LNX1: variants seen among roughly 807,000 people sequenced by gnomAD.
LNX1 encodes the protein E3 ubiquitin-protein ligase LNX.
LNX1 carries 54 observed loss-of-function variants against 68.4 expected under a neutral mutation model. The ratio of observed to expected loss-of-function variants is 0.79; its 90% CI spans 0.63 to 0.99. The LOEUF (loss-of-function observed/expected upper bound fraction) is 0.99, where lower values mean the gene tolerates loss of function less well. LNX1 is among the 50% of genes least tolerant of loss of function. The pLI is 0.00. For synonymous variants in LNX1, 336 were observed against 350.0 expected, an observed-to-expected ratio of 0.96 and a Z score of 0.45; for missense variants, 906 against 926.4, an observed-to-expected ratio of 0.98 and a Z score of 0.29.
At chr4:53,473,009 T>G (rs1043065275) in intron 9 of LNX1, among the ~76,000 whole-genome samples, 14 of 152,206 alleles carry the variant, frequency 9.2e-5, no homozygotes, top group African/African-American at 3.4e-4. Flanking sequence ...TTTCAAATTT[T>G]TTTGTGACTC....
chr4:53,514,088 T>C (rs1488647663), intron 2 of LNX1, among the ~76,000 whole-genome samples: 4 of 152,218 alleles, frequency 2.6e-5, no homozygotes, highest in Non-Finnish European at 5.9e-5. Flanking sequence ...GGCCTCTGAT[T>C]AAAATCCCTC....
In LNX1 at chr4:53,651,334, G is replaced by T. The variant is rs368330504; in HGVS notation, c.-215+834C>A. 5.0e-4 allele frequency among the ~76,000 whole-genome samples: 76 copies of T among 152,288 alleles called. 1 individual carries two copies. The East Asian group carries it at 0.014, about 27-fold the overall frequency. On this transcript the variant is annotated intron_variant, in intron 1 of 2. Transcript: ENST00000507168. ...ACTGCGTCAGCATTCCTTGGGCACCGGACTTGCACCACGCCCTGACACATG... is the reference window on the plus strand; with the variant it reads ...ACTGCGTCAGCATTCCTTGGGCACCTGACTTGCACCACGCCCTGACACATG...
Position 53,459,794 on chromosome 4 carries a change from A to G in LNX1, c.*1113T>C, listed in dbSNP as rs964221660. 3 of 317,774 alleles carry G rather than the reference A, an allele frequency of 9.4e-6. No homozygotes were observed. The highest frequency in any genetic ancestry group is 2.2e-5 in the African/African-American group (1 of 46,290). 19.7% of individuals were successfully genotyped at this position (317,774 alleles called of 1,614,324 possible). On this transcript the variant is annotated 3_prime_UTR_variant, in exon 11 of 11. Coordinates refer to ENST00000263925, the MANE Select transcript of LNX1 (RefSeq NM_001126328.3). ...CACTTGGGCCACAGTTTTTTTGTTAATCAAACACCACTCTCTTAAGAGGCT... is the reference window on the plus strand; with the variant it reads ...CACTTGGGCCACAGTTTTTTTGTTAGTCAAACACCACTCTCTTAAGAGGCT...
Position 53,573,717 on chromosome 4 carries a change from T to C in LNX1, c.286A>G (p.Lys96Glu). 1 of 1,611,304 alleles carries C rather than the reference T, an allele frequency of 6.2e-7. No individual in the cohort carries two copies. Among genetic ancestry groups the C allele is most frequent in the Non-Finnish European group, 8.5e-7 (1 of 1,178,828 alleles). ...HCKKSSILVN[K>E]LLNKLLVTCP... is the part of the protein sequence containing the mutation. ...GTCACCAGTAGCTTGTTGAGGAGTT[T>C]GTTGACCAGGATGCTGGACTTCTTG... Residue 96 changes from lysine (K) to glutamate (E), a missense_variant, in exon 2 of 11, where the codon AAA becomes GAA. Lys to Glu is a moderately conservative substitution (Grantham distance 56). Coordinates refer to ENST00000263925, the MANE Select transcript of LNX1 (RefSeq NM_001126328.3).
chr4:53,602,027 G>A (rs1339292871), intron 2 of LNX1, among the ~76,000 whole-genome samples: 1 of 152,146 alleles, frequency 6.6e-6, no homozygotes, highest in African/African-American at 2.4e-5. Context: ...ATGATCCCAT[G>A]AAATTTCATA....
chr4:53,564,790 C>T (rs868714704), intron 2 of LNX1, among the ~76,000 whole-genome samples: 14 of 152,286 alleles, frequency 9.2e-5, no homozygotes, highest in Admixed American at 2.6e-4. Flanking sequence ...GGTGCGCGCA[C>T]CCTGCGCCAG....
At chr4:53,525,740 G>A (rs1299272502) in intron 2 of LNX1, among the ~76,000 whole-genome samples, 3 of 152,336 alleles carry the variant, frequency 2.0e-5, no homozygotes, top group South Asian at 2.1e-4. Context: ...TTGGATCAAT[G>A]CTATGGTAGG....
intron 2 of LNX1, among the ~76,000 whole-genome samples, chr4:53,604,450 C>CT (rs892768307): frequency 6.6e-6 from 1 of 152,186 alleles, no homozygotes; most frequent in Non-Finnish European, 1.5e-5. Context: ...AAAAGCAGAA[C>CT]TGGCAGAGCC....
chr4:53,629,087 C>T (rs985859675), intron 1 of LNX1, among the ~76,000 whole-genome samples: 1 of 152,154 alleles, frequency 6.6e-6, no homozygotes, highest in Non-Finnish European at 1.5e-5. Context: ...CATAATTAAT[C>T]CATGTAACCA....
chr4:53,591,930 G>A (rs1414272036), upstream of LNX1, among the ~76,000 whole-genome samples: 1 of 152,142 alleles, frequency 6.6e-6, no homozygotes, highest in African/African-American at 2.4e-5. Flanking sequence ...TATCTGAGGT[G>A]CCTTTTCGAA....
chr4:53,501,298 T>TGGGGGG (rs1553932758), intron 4 of LNX1, among the ~76,000 whole-genome samples: 4 of 9,490 alleles, frequency 4.2e-4, no homozygotes, highest in African/African-American at 6.1e-4. Flanking sequence ...TTTTTTTTTT[T>TGGGGGG]TGGGGGTGGG....
intron 2 of LNX1, among the ~76,000 whole-genome samples, chr4:53,562,372 A>AT (rs1730352907): frequency 6.6e-6 from 1 of 152,194 alleles, no homozygotes. Context: ...GGAGTCTGTA[A>AT]GCATCTAAGA....
intron 9 of LNX1, among the ~76,000 whole-genome samples, chr4:53,469,263 G>T (rs1450003319): frequency 6.6e-6 from 1 of 152,124 alleles, no homozygotes; most frequent in Non-Finnish European, 1.5e-5. Flanking sequence ...CGAAATGAAG[G>T]CAGAAATAAA....
intron 2 of LNX1, among the ~76,000 whole-genome samples, chr4:53,525,503 G>A (rs1727547555): frequency 6.6e-6 from 1 of 152,212 alleles, no homozygotes; most frequent in African/African-American, 2.4e-5. Flanking sequence ...GCTCAAAGAT[G>A]CTTGGTTTCC....
Position 53,460,986 on chromosome 4 carries a change from G to A in LNX1, c.2108C>T (p.Ala703Val). The A allele has an allele frequency of 1.9e-6, 3 of 1,608,044 alleles. No individual in the cohort carries two copies. The highest frequency in any genetic ancestry group is 2.5e-6 in the Non-Finnish European group (3 of 1,177,150). Reference sequence around the variant, plus strand: ...TTCTTTCAGCAGTCTTGCCAAGCAAGCATGTATCATTCCTGATGTACTTCT... The same window carrying A: ...TTCTTTCAGCAGTCTTGCCAAGCAAACATGTATCATTCCTGATGTACTTCT... ...NGRSTSGMIH[A>V]CLARLLKELK... The change falls in exon 11 of 11, where the codon GCT becomes GTT. Residue 703 changes from alanine to valine, a missense_variant. By Grantham distance (64) the Ala-to-Val change is moderately conservative. Coordinates refer to ENST00000263925, the MANE Select transcript of LNX1 (RefSeq NM_001126328.3).
intron 3 of LNX1, 121 bp downstream of exon 3, chr4:53,507,865 C>G (rs1726023840): frequency 7.5e-7 from 1 of 1,341,346 alleles, no homozygotes; most frequent in African/African-American, 1.5e-5. Context: ...GGGTTCCTGC[C>G]AAAACTACCA....
intron 1 of LNX1, among the ~76,000 whole-genome samples, chr4:53,639,635 G>A (rs1181536883): frequency 6.6e-6 from 1 of 152,120 alleles, no homozygotes; most frequent in Non-Finnish European, 1.5e-5. Flanking sequence ...CTGTTTTGGG[G>A]TCCTAAAGTA....
intron 2 of LNX1, among the ~76,000 whole-genome samples, chr4:53,598,856 T>C (rs1732871854): frequency 6.6e-6 from 1 of 152,238 alleles, no homozygotes; most frequent in Non-Finnish European, 1.5e-5. Flanking sequence ...CATTCACTTA[T>C]TTATACACCA....
chr4:53,553,987 G>A (rs896747766), intron 2 of LNX1, among the ~76,000 whole-genome samples: 20 of 152,206 alleles, frequency 1.3e-4, no homozygotes, highest in African/African-American at 4.1e-4. Flanking sequence ...TAGCCAACCC[G>A]GAGGGTCATT....
Sources: allele counts gnomAD v4.1 joint callset (sites outside exome capture counted in the v4.1 genomes callset), GRCh38; gene constraint gnomAD v4.1.1; transcripts MANE v1.5; gene names NCBI Gene and HGNC (gene_info 2026-07-23, HGNC 2026-07-21).